L3MBTL4: variants seen among roughly 807,000 people sequenced by gnomAD.
L3MBTL4 encodes L3MBTL histone methyl-lysine binding protein 4.
Under a neutral mutation model 84.5 loss-of-function variants are expected in L3MBTL4, and 70 were observed. That is an observed-to-expected ratio of 0.83 (90% CI 0.68 to 1.01). L3MBTL4 has a LOEUF of 1.01. Ranked by LOEUF, L3MBTL4 falls within the 50% of genes least tolerant of loss-of-function variation. The pLI is 0.00. For missense variants in L3MBTL4, 715 were observed against 754.8 expected, an observed-to-expected ratio of 0.95 and a Z score of 0.62; for synonymous variants, 274 against 259.8, an observed-to-expected ratio of 1.05 and a Z score of -0.52.
intron 9 of L3MBTL4, 119 bp downstream of exon 9, chr18:6,239,599 A>G: frequency 1.0e-6 from 1 of 963,068 alleles, no homozygotes; most frequent in Non-Finnish European, 1.6e-6. Context: ...GTCAACCACC[A>G]AATTCCTAAT....
chr18:6,375,541 A>T (rs947473326), intron 1 of L3MBTL4, among the ~76,000 whole-genome samples: 2 of 152,096 alleles, frequency 1.3e-5, no homozygotes, highest in African/African-American at 4.8e-5. Context: ...ACACTTCCAC[A>T]GCCAGCGCTT....
At chr18:6,101,452 T>C (rs572685570) in intron 14 of L3MBTL4, among the ~76,000 whole-genome samples, 166 of 152,338 alleles carry the variant, frequency 1.1e-3, no homozygotes, top group African/African-American at 3.9e-3. Flanking sequence ...AAGGATTTTA[T>C]TGGAGACTCC....
chr18:6,383,028 C>T (rs1197479342), intron 1 of L3MBTL4, among the ~76,000 whole-genome samples: 2 of 152,028 alleles, frequency 1.3e-5, no homozygotes, highest in Admixed American at 6.6e-5. Context: ...GGAGAAATCT[C>T]TGGCAGTCTG....
chr18:6,149,131 T>C (rs1489915021), intron 13 of L3MBTL4, among the ~76,000 whole-genome samples: 1 of 151,926 alleles, frequency 6.6e-6, no homozygotes. Context: ...ACGTGCCATG[T>C]TGGTGTGCCG....
intron 16 of L3MBTL4, among the ~76,000 whole-genome samples, chr18:5,983,652 C>A (rs2053337383): frequency 6.6e-6 from 1 of 152,042 alleles, no homozygotes; most frequent in Non-Finnish European, 1.5e-5. Context: ...CTCTAATAAG[C>A]CATTTGAAAG....
At chr18:6,189,342 G>C (rs949242396) in intron 12 of L3MBTL4, among the ~76,000 whole-genome samples, 9 of 152,250 alleles carry the variant, frequency 5.9e-5, no homozygotes, top group African/African-American at 2.2e-4. Flanking sequence ...CACAATCACA[G>C]GTTCTGGAGG....
intron 12 of L3MBTL4, among the ~76,000 whole-genome samples, chr18:6,183,229 T>C (rs1309766475): frequency 3.9e-5 from 6 of 152,220 alleles, no homozygotes; most frequent in African/African-American, 1.2e-4. Flanking sequence ...TGCGACTACA[T>C]GTCTGTGGGT....
chr18:6,375,428 G>C (rs1180502939), intron 1 of L3MBTL4, among the ~76,000 whole-genome samples: 1 of 151,874 alleles, frequency 6.6e-6, no homozygotes, highest in African/African-American at 2.4e-5. Flanking sequence ...CTCCTACCTG[G>C]AGCCACCTTC....
At chr18:6,356,237 G>GGA (rs146672598) in intron 1 of L3MBTL4, among the ~76,000 whole-genome samples, 2 of 152,002 alleles carry the variant, frequency 1.3e-5, no homozygotes, top group African/African-American at 4.8e-5. Context: ...AGAATGCCTT[G>GGA]GAGAGAGAGA....
At chr18:6,400,276 G>GGGGACC (rs1191643269) in intron 1 of L3MBTL4, among the ~76,000 whole-genome samples, 4 of 152,146 alleles carry the variant, frequency 2.6e-5, no homozygotes, top group African/African-American at 9.7e-5. Flanking sequence ...ACCCAAATTA[G>GGGGACC]TTGATAAACC....
At chr18:5,994,353 C>T (rs1220621406) in intron 16 of L3MBTL4, among the ~76,000 whole-genome samples, 1 of 152,138 alleles carries the variant, frequency 6.6e-6, no homozygotes, top group Non-Finnish European at 1.5e-5. Flanking sequence ...AAAGCAGGTG[C>T]TCAAAAAAGA....
At chr18:6,025,678 C>T (rs1394194957) in intron 16 of L3MBTL4, among the ~76,000 whole-genome samples, 3 of 152,080 alleles carry the variant, frequency 2.0e-5, no homozygotes, top group Non-Finnish European at 4.4e-5. Context: ...GGGGCTTGGG[C>T]GAGGGGTGGT....
Position 6,154,014 on chromosome 18 carries a change from T to G in L3MBTL4, c.1097-15718A>C, listed in dbSNP as rs572654682. 4.9e-4 allele frequency among the ~76,000 whole-genome samples: 75 copies of G among 152,194 alleles called. 1 individual carries two copies. Among genetic ancestry groups the G allele is most frequent in the Non-Finnish European group, 9.1e-4 (62 of 68,030 alleles). On this transcript the variant is annotated intron_variant, in intron 13 of 18. Coordinates refer to ENST00000317931, the MANE Select transcript of L3MBTL4 (RefSeq NM_001330559.2). ...TTACAGTATCAGCAAACAGAGACAA[T>G]GTAACTTGTTCCTTTCTAATGTGAA...
intron 16 of L3MBTL4, among the ~76,000 whole-genome samples, chr18:6,048,647 G>A (rs1216775065): frequency 2.0e-5 from 3 of 151,894 alleles, no homozygotes; most frequent in Non-Finnish European, 2.9e-5. Context: ...AAATTAGCCG[G>A]GTGTGGTGGC....
chr18:6,374,318 G>A (rs1407624473), intron 1 of L3MBTL4: 1 of 154,290 alleles, frequency 6.5e-6, no homozygotes, highest in Non-Finnish European at 1.5e-5. Flanking sequence ...GGATTACATG[G>A]GTTAACACCG....
chr18:6,165,056 C>T (rs995057359), intron 13 of L3MBTL4, among the ~76,000 whole-genome samples: 56 of 152,112 alleles, frequency 3.7e-4, no homozygotes, highest in African/African-American at 1.2e-3. Context: ...GTAGCTGATG[C>T]GATCAACTGG....
At chr18:6,057,533 A>T (rs2057067361) in intron 16 of L3MBTL4, among the ~76,000 whole-genome samples, 1 of 152,206 alleles carries the variant, frequency 6.6e-6, no homozygotes, top group Non-Finnish European at 1.5e-5. Context: ...TTCTTTAAAT[A>T]CTTCTTGTTT....
At chr18:5,958,561 C>A (rs1332542319) in intron 18 of L3MBTL4, among the ~76,000 whole-genome samples, 2 of 152,142 alleles carry the variant, frequency 1.3e-5, no homozygotes, top group East Asian at 3.9e-4. Flanking sequence ...CTCCTGATAA[C>A]CCTGTAATAT....
At position 6,075,007 on chromosome 18, in the gene L3MBTL4, G is replaced by A. The variant is rs547287654; in HGVS notation, c.1444+5874C>T. Among the ~76,000 whole-genome samples the A allele has an allele frequency of 1.1e-3, 169 of 152,078 alleles. 1 individual carries two copies. Among genetic ancestry groups the A allele is most frequent in the African/African-American group, 4.0e-3 (165 of 41,472 alleles). On this transcript the variant is annotated intron_variant, in intron 16 of 18. Coordinates refer to ENST00000317931, the MANE Select transcript of L3MBTL4 (RefSeq NM_001330559.2). ...GGCAATTTCCTCAATCCACTATGCA[G>A]CATTATAAAAAACTACATCAAGCAT... is the stretch of plus-strand genomic sequence containing the variant.
Sources: allele counts gnomAD v4.1 joint callset (sites outside exome capture counted in the v4.1 genomes callset), GRCh38; gene constraint gnomAD v4.1.1; transcripts MANE v1.5; gene names NCBI Gene and HGNC (gene_info 2026-07-23, HGNC 2026-07-21).